RWDD1: variants seen among roughly 807,000 people sequenced by gnomAD.
The protein encoded by RWDD1 is RWD domain-containing protein 1.
Under a neutral mutation model 31.6 loss-of-function variants are expected in RWDD1, and 17 were observed. The observed-to-expected ratio is 0.54, with a 90% CI of 0.37 to 0.81. The LOEUF is 0.81. Ranked by LOEUF, RWDD1 falls within the 30% of genes least tolerant of loss-of-function variation. The pLI is 0.00. For synonymous variants in RWDD1, 78 were observed against 94.2 expected (o/e 0.83, Z 0.99); for missense variants, 204 against 274.5 (o/e 0.74, Z 1.82).
At chr6:116,582,958 T>C (rs1413700319) in intron 2 of RWDD1, among the ~76,000 whole-genome samples, 1 of 151,092 alleles carries the variant, frequency 6.6e-6, no homozygotes, top group Admixed American at 6.6e-5. Flanking sequence ...TTTTCTTTTT[T>C]TTTTTTTTTA....
In RWDD1 at chr6:116,596,483, T is replaced by G. The variant is rs1023367364; in HGVS notation, c.*3382T>G. On this transcript the variant is annotated 3_prime_UTR_variant, in exon 7 of 7. Transcript: ENST00000466444. ...GGATGGATGATGGGGTCATTTAAAT[T>G]GTTGGACAAAGCCATGAAAGGACTT... 1 of 152,232 alleles carries G rather than the reference T, an allele frequency of 6.6e-6. No homozygotes were observed. Among genetic ancestry groups the G allele is most frequent in the African/African-American group, 2.4e-5 (1 of 41,456 alleles). 9.4% of individuals were successfully genotyped at this position (152,232 alleles called of 1,614,324 possible).
chr6:116,584,958 A>G (rs1775013354), intron 3 of RWDD1, 101 bp downstream of exon 3: 1 of 914,592 alleles, frequency 1.1e-6, no homozygotes, highest in Non-Finnish European at 1.7e-6. Flanking sequence ...TAAACAGAAC[A>G]TTGACCAAGT....
chr6:116,584,649 A>T, intron 2 of RWDD1, 78 bp from the exon 3 acceptor site: 2 of 1,280,658 alleles, frequency 1.6e-6, no homozygotes, highest in Non-Finnish European at 2.2e-6. Context: ...CTATTGTGCT[A>T]CTTTCTACTG....
intron 1 of RWDD1, 42 bp from the exon 2 acceptor site, chr6:116,580,253 T>G (rs568656552): frequency 6.8e-7 from 1 of 1,466,394 alleles, no homozygotes; most frequent in South Asian, 1.2e-5. Context: ...AGCATCTGCC[T>G]TAGAAAGCAT....
intron 3 of RWDD1, among the ~76,000 whole-genome samples, chr6:116,585,623 A>G (rs1218749483): frequency 6.6e-6 from 1 of 152,138 alleles, no homozygotes; most frequent in Non-Finnish European, 1.5e-5. Flanking sequence ...TATGTGACTT[A>G]CATATTCTAA....
intron 3 of RWDD1, 38 bp from the exon 4 acceptor site, chr6:116,588,804 C>T: frequency 6.8e-7 from 1 of 1,460,196 alleles, no homozygotes; most frequent in Non-Finnish European, 9.1e-7. Context: ...TTTTATTTTT[C>T]TGAGAGTTAT....
In RWDD1 at chr6:116,593,648, T is replaced by C. The variant is rs1301791125; in HGVS notation, c.*547T>C. On this transcript the variant is annotated 3_prime_UTR_variant, in exon 7 of 7. Transcript: ENST00000466444. ...CCGTAAAGGAATATCTGAGGCTGGG[T>C]AATTTATAAAAGGTTTGCCGGGTGC... is the stretch of plus-strand genomic sequence containing the variant. 6.6e-6 allele frequency: 1 copy of C among 150,598 alleles called. No homozygotes were observed. Among genetic ancestry groups the C allele is most frequent in the Non-Finnish European group, 1.5e-5 (1 of 67,942 alleles). 9.3% of individuals were successfully genotyped at this position (150,598 alleles called of 1,614,324 possible).
chr6:116,578,117 A>G lies in RWDD1; in HGVS notation c.74-2178A>G, dbSNP rs376973336. 6.6e-5 allele frequency among the ~76,000 whole-genome samples: 10 copies of G among 152,300 alleles called. No homozygotes were observed. In the East Asian group the frequency reaches 1.2e-3, roughly 18 times the overall value. ...TCTATATAGTTTATTCTGTTTGTTC[A>G]GTTACTACCTGATAACCTTGGACAA... On this transcript the variant is annotated intron_variant, in intron 1 of 6. Transcript: ENST00000466444.
rs1430819452 is a variant in RWDD1 at position 116,595,623 on chromosome 6, TG to T, written c.*2523del. On this transcript the variant is annotated 3_prime_UTR_variant, in exon 7 of 7. Transcript: ENST00000466444. ...ACTAGGTTAAAAACAAACACAGATA[TG>T]TTTATTCATTACTGTATCCCTGTAA... is the stretch of plus-strand genomic sequence containing the variant. 6.6e-6 allele frequency: 1 copy of T among 152,242 alleles called. No homozygotes were observed. Among genetic ancestry groups the T allele is most frequent in the African/African-American group, 2.4e-5 (1 of 41,464 alleles). The allele number at this position is 152,242 out of a possible 1,614,324, so 9.4% of individuals were successfully genotyped here.
chr6:116,574,737 T>C (rs1774806789), intron 1 of RWDD1, among the ~76,000 whole-genome samples: 1 of 150,406 alleles, frequency 6.6e-6, no homozygotes. Flanking sequence ...CCTTCCTTCC[T>C]TCCTTCCACC....
chr6:116,592,934 ATAAGAC>A (rs1348090562), intron 6 of RWDD1, 40 bp from the exon 7 acceptor site: 3 of 1,585,818 alleles, frequency 1.9e-6, no homozygotes, highest in East Asian at 2.2e-5. Context: ...ATTTCTGAGT[ATAAGAC>A]TAAAGGAGAT....
chr6:116,573,383 T>G (rs1774781565), intron 1 of RWDD1, among the ~76,000 whole-genome samples: 1 of 152,242 alleles, frequency 6.6e-6, no homozygotes, highest in African/African-American at 2.4e-5. Context: ...AGACAATTTA[T>G]GAATCTTTTG....
At chr6:116,571,690 G>A in intron 1 of RWDD1, 35 bp downstream of exon 1, 1 of 1,594,430 alleles carries the variant, frequency 6.3e-7, no homozygotes, top group Non-Finnish European at 8.6e-7. Flanking sequence ...TAGCCGCCCC[G>A]AGGTGGAGTA....
chr6:116,587,192 A>G (rs919373172), intron 3 of RWDD1, among the ~76,000 whole-genome samples: 1 of 152,172 alleles, frequency 6.6e-6, no homozygotes, highest in Non-Finnish European at 1.5e-5. Context: ...TTCTCTGGTG[A>G]GAAGTGTGGA....
At chr6:116,571,938 C>T (rs1774745013) in intron 1 of RWDD1, among the ~76,000 whole-genome samples, 1 of 152,024 alleles carries the variant, frequency 6.6e-6, no homozygotes, top group African/African-American at 2.4e-5. Context: ...TAACCTACAG[C>T]AACCTGAGAT....
intron 2 of RWDD1, among the ~76,000 whole-genome samples, chr6:116,581,371 A>T (rs1237688921): frequency 6.6e-6 from 1 of 152,092 alleles, no homozygotes; most frequent in Non-Finnish European, 1.5e-5. Flanking sequence ...AAATAATCCA[A>T]ATAAAATTTT....
intron 1 of RWDD1, among the ~76,000 whole-genome samples, chr6:116,578,241 G>C (rs1774885136): frequency 6.6e-6 from 1 of 152,082 alleles, no homozygotes; most frequent in Admixed American, 6.5e-5. Context: ...TAACATCTCT[G>C]AATTCTTATG....
intron 2 of RWDD1, among the ~76,000 whole-genome samples, 165 bp downstream of exon 2, chr6:116,580,525 CT>C (rs1774930007): frequency 6.6e-6 from 1 of 152,060 alleles, no homozygotes; most frequent in Non-Finnish European, 1.5e-5. Flanking sequence ...GTGAACATGA[CT>C]TCTAGGGAAA....
intron 1 of RWDD1, among the ~76,000 whole-genome samples, chr6:116,577,253 A>C (rs7752566): frequency 0.81 from 123,343 of 152,080 alleles, 50,190 homozygotes; most frequent in Middle Eastern, 0.89. Context: ...TGAGGAGAAT[A>C]ATTCTTCATA....
Sources: gnomAD v4.1 joint callset for allele counts (sites outside exome capture counted in the v4.1 genomes callset) on GRCh38, gnomAD v4.1.1 for gene constraint, MANE v1.5 for transcripts, NCBI Gene and HGNC (gene_info 2026-07-23, HGNC 2026-07-21) for gene names.